Variants in NEMP2 observed in about 807,000 individuals in gnomAD.
NEMP2 encodes nuclear envelope integral membrane protein 2.
In NEMP2, 53 loss-of-function variants were observed where a neutral mutation model predicts 54.2. The observed-to-expected ratio is 0.98, with a 90% CI of 0.78 to 1.23. The LOEUF (loss-of-function observed/expected upper bound fraction) is 1.23. NEMP2 is among the 50% of genes most tolerant of loss of function. The probability of loss-of-function intolerance (pLI) is 0.00; values close to 1 mark genes in which losing one functional copy is unlikely to be tolerated. For synonymous variants in NEMP2, 197 were observed against 190.3 expected (o/e 1.04, Z -0.29); for missense variants, 455 against 511.3 (o/e 0.89, Z 1.06).
At chr2:190,449,127 C>T in the NEMP2 span, among the ~76,000 whole-genome samples, 1 of 152,200 alleles carries the variant, frequency 6.6e-6, no homozygotes, top group Admixed American at 6.5e-5. Context: ...ACCATGGCTT[C>T]AGGTCTTATT....
the NEMP2 span, among the ~76,000 whole-genome samples, chr2:190,470,477 A>G: frequency 2.0e-5 from 3 of 152,362 alleles, no homozygotes; most frequent in East Asian, 5.8e-4. Context: ...ATTACTATTC[A>G]AAGCTCATTG....
At chr2:190,566,518 G>T in the NEMP2 span, among the ~76,000 whole-genome samples, 34,223 of 151,822 alleles carry the variant, frequency 0.23, 4,914 homozygotes, top group South Asian at 0.33. Context: ...AACATGGGAG[G>T]TCGAGACTGC....
the NEMP2 span, among the ~76,000 whole-genome samples, chr2:190,631,873 T>C: frequency 0.19 from 28,416 of 151,824 alleles, 2,807 homozygotes; most frequent in East Asian, 0.28. Context: ...CTGGGCAACA[T>C]GACAAAACCC....
the NEMP2 span, among the ~76,000 whole-genome samples, chr2:190,423,963 C>T: frequency 6.6e-6 from 1 of 152,288 alleles, no homozygotes; most frequent in East Asian, 1.9e-4. This position sits in a 1 kb window ranked among gnomAD's most constrained non-coding sequence, Gnocchi z 4.3. Context: ...AATGTCCCTT[C>T]ACGTTTTTTG....
At position 190,519,796 on chromosome 2, in the gene NEMP2, A is replaced by C. The variant is rs566076673; in HGVS notation, c.214-613T>G. The stretch of plus-strand genomic sequence containing the variant: ...AAAAGGATAAGAAGAATGTACAGGC[A>C]TACCCATTTTATTGTTTTACATCAC... On this transcript the variant is annotated intron_variant, in intron 2 of 8. Transcript: ENST00000409150. The surrounding 1 kb of genome is among the most constrained non-coding windows in gnomAD (Gnocchi z 5.4). 9.9e-5 allele frequency among the ~76,000 whole-genome samples: 15 copies of C among 152,240 alleles called. No homozygotes were observed. Among genetic ancestry groups the C allele is most frequent in the South Asian group, 2.1e-4 (1 of 4,836 alleles).
chr2:190,604,986 C>T, the NEMP2 span, among the ~76,000 whole-genome samples: 2 of 152,074 alleles, frequency 1.3e-5, no homozygotes, highest in Non-Finnish European at 2.9e-5. The surrounding 1 kb of genome is among the most constrained non-coding windows in gnomAD (Gnocchi z 4.5). Context: ...CTTTTTCATG[C>T]TCTCCTGTTT....
the NEMP2 span, among the ~76,000 whole-genome samples, chr2:190,572,730 G>C: frequency 1.3e-4 from 20 of 150,482 alleles, no homozygotes; most frequent in South Asian, 1.3e-3. Context: ...ATGATGTGTT[G>C]AGTGTATAAT....
Position 190,534,669 on chromosome 2 carries a change from A to G in NEMP2, c.-14T>C. ...GCGCGGCCCCATTTCGTTAGGGGTCAGCTCCGTGCGACCCGAGCCCTAGGG... is the reference window on the plus strand; with the variant it reads ...GCGCGGCCCCATTTCGTTAGGGGTCGGCTCCGTGCGACCCGAGCCCTAGGG... On this transcript the variant is annotated 5_prime_UTR_variant, in exon 1 of 9. Transcript: ENST00000409150. 1 of 1,268,308 alleles carries G rather than the reference A, an allele frequency of 7.9e-7. No homozygotes were observed. The highest frequency in any genetic ancestry group is 9.9e-7 in the Non-Finnish European group (1 of 1,007,572). The allele number at this position is 1,268,308 out of a possible 1,614,324, so 78.6% of individuals were successfully genotyped here.
chr2:190,443,169 C>T, the NEMP2 span, among the ~76,000 whole-genome samples: 2 of 151,998 alleles, frequency 1.3e-5, no homozygotes, highest in Non-Finnish European at 2.9e-5. The surrounding 1 kb of genome is among the most constrained non-coding windows in gnomAD (Gnocchi z 4.2). Context: ...CCTAGGTGGG[C>T]CTAAGACATA....
the NEMP2 span, among the ~76,000 whole-genome samples, chr2:190,644,421 T>C: frequency 7.2e-5 from 11 of 152,240 alleles, no homozygotes; most frequent in Non-Finnish European, 1.3e-4. This position sits in a 1 kb window ranked among gnomAD's most constrained non-coding sequence, Gnocchi z 4.4. Flanking sequence ...ACTGGTCTTG[T>C]GTTCAAAGGT....
the NEMP2 span, among the ~76,000 whole-genome samples, chr2:190,449,878 G>C: frequency 0.23 from 35,011 of 151,882 alleles, 4,954 homozygotes; most frequent in South Asian, 0.32. Context: ...GTGGGGGAAG[G>C]GGGGAGGAAT....
the NEMP2 span, chr2:190,488,784 T>G: frequency 1.9e-6 from 3 of 1,602,334 alleles, no homozygotes; most frequent in Non-Finnish European, 2.6e-6. The surrounding 1 kb of genome is among the most constrained non-coding windows in gnomAD (Gnocchi z 6.4). Flanking sequence ...GAGGATGTGG[T>G]GCCATGATCG....
the NEMP2 span, among the ~76,000 whole-genome samples, chr2:190,616,463 A>G: frequency 6.6e-6 from 1 of 152,262 alleles, no homozygotes; most frequent in Admixed American, 6.5e-5. This position sits in a 1 kb window ranked among gnomAD's most constrained non-coding sequence, Gnocchi z 5.1. Flanking sequence ...ATGTGTTAAT[A>G]AAACTTAAAT....
At chr2:190,615,490 G>A in the NEMP2 span, among the ~76,000 whole-genome samples, 5 of 152,272 alleles carry the variant, frequency 3.3e-5, no homozygotes, top group East Asian at 1.9e-4. This position sits in a 1 kb window ranked among gnomAD's most constrained non-coding sequence, Gnocchi z 4.7. Context: ...CTGGTGTGCC[G>A]GCCTCCCTGC....
rs148110924 is a variant in NEMP2 at position 190,528,286 on chromosome 2, A to C, written c.98-2908T>G. 4.0e-3 allele frequency among the ~76,000 whole-genome samples: 606 copies of C among 152,314 alleles called. 4 individuals are homozygous for C. The highest frequency in any genetic ancestry group is 0.014 in the African/African-American group (585 of 41,562). ...GAAGATCCTGAGCAACTGCAATGAG[A>C]AGACATGAGAACACATTAAATGCTC... On this transcript the variant is annotated intron_variant, in intron 1 of 8. Coordinates refer to ENST00000409150, the MANE Select transcript of NEMP2 (RefSeq NM_001142645.2). The surrounding 1 kb of genome is among the most constrained non-coding windows in gnomAD (Gnocchi z 4.3).
the NEMP2 span, among the ~76,000 whole-genome samples, chr2:190,569,007 G>A: frequency 6.6e-6 from 1 of 152,096 alleles, no homozygotes; most frequent in Non-Finnish European, 1.5e-5. Context: ...TTTAAAATGT[G>A]GAGATAAACA....
chr2:190,479,218 C>T, the NEMP2 span, among the ~76,000 whole-genome samples: 4 of 152,232 alleles, frequency 2.6e-5, no homozygotes, highest in African/African-American at 9.6e-5. Flanking sequence ...GAGGTTATTT[C>T]TTTCCCATGA....
At chr2:190,474,555 G>C in the NEMP2 span, among the ~76,000 whole-genome samples, 1 of 152,180 alleles carries the variant, frequency 6.6e-6, no homozygotes, top group African/African-American at 2.4e-5. Context: ...AAAAGGCTCT[G>C]AAATTGAGGC....
upstream of NEMP2, chr2:190,534,805 G>A (rs1490096630): frequency 3.8e-6 from 2 of 532,360 alleles, no homozygotes; most frequent in African/African-American, 3.9e-5. Flanking sequence ...CGGGGCGGAG[G>A]GAGAGTTGGG....
Sources: allele counts gnomAD v4.1 joint callset (sites outside exome capture counted in the v4.1 genomes callset), GRCh38; gene constraint gnomAD v4.1.1; non-coding constraint Gnocchi (gnomAD v3.1); transcripts MANE v1.5; gene names NCBI Gene and HGNC (gene_info 2026-07-23, HGNC 2026-07-21).